DNAH14: variants seen among roughly 807,000 people sequenced by gnomAD.
The protein encoded by DNAH14 is dynein axonemal heavy chain 14.
In DNAH14, 478 loss-of-function variants were observed where a neutral mutation model predicts 520.9. The ratio of observed to expected loss-of-function variants is 0.92; its 90% CI spans 0.85 to 0.99. The LOEUF (loss-of-function observed/expected upper bound fraction) is 0.99, where lower values mean the gene tolerates loss of function less well. Ranked by LOEUF, DNAH14 falls within the 50% of genes least tolerant of loss-of-function variation. DNAH14 has a pLI of 0.00. For synonymous variants in DNAH14, 1,581 were observed against 1,757.2 expected (o/e 0.90, Z 2.51); for missense variants, 4,831 against 5,234.5 (o/e 0.92, Z 2.38).
intron 72 of DNAH14, 108 bp from the exon 73 acceptor site, chr1:225,353,695 A>G (rs2095397726): frequency 3.1e-6 from 2 of 648,314 alleles, no homozygotes; most frequent in South Asian, 1.8e-5. Context: ...CATGTTTAGA[A>G]AAAAAAAAAA....
Position 225,140,987 on chromosome 1 carries a change from A to G in DNAH14, c.4474A>G (p.Asn1492Asp), listed in dbSNP as rs1412323166. ...RDIVINLLLKNIFNAEDFEWT... is the reference protein window; with the variant it reads ...RDIVINLLLKDIFNAEDFEWT... ...TATAGTGATAAATTTACTACTTAAA[A>G]ATATCTTCAATGCAGAGGATTTTGA... Residue 1492 changes from asparagine to aspartate, a missense_variant, in exon 28 of 86, where the codon AAT (asparagine) becomes GAT (aspartate). Physicochemically the swap from Asn to Asp is conservative, Grantham distance 23. Coordinates refer to ENST00000682510, the MANE Select transcript of DNAH14 (RefSeq NM_001367479.1). 6.4e-7 allele frequency: 1 copy of G among 1,550,678 alleles called. No individual in the cohort carries two copies. The highest frequency in any genetic ancestry group is 8.7e-7 in the Non-Finnish European group (1 of 1,146,456).
intron 21 of DNAH14, among the ~76,000 whole-genome samples, chr1:225,086,987 A>G (rs1378179490): frequency 9.3e-6 from 1 of 107,876 alleles, no homozygotes; most frequent in Non-Finnish European, 1.9e-5. Context: ...GCTGAAAAGA[A>G]CACCACACAC....
chr1:225,333,078 T>C (rs1002413167), intron 65 of DNAH14, among the ~76,000 whole-genome samples: 1 of 152,194 alleles, frequency 6.6e-6, no homozygotes, highest in African/African-American at 2.4e-5. Context: ...TTAGCAAAGA[T>C]GACACTATTA....
chr1:225,313,640 G>A (rs1170230388), intron 60 of DNAH14, among the ~76,000 whole-genome samples: 1 of 152,136 alleles, frequency 6.6e-6, no homozygotes, highest in Non-Finnish European at 1.5e-5. Flanking sequence ...GGTACGTTGT[G>A]TCTTTGTTCT....
rs910355963 is a variant in DNAH14, at chr1:225,130,718, C to G, written c.4254+7104C>G. Among the ~76,000 whole-genome samples the G allele has an allele frequency of 5.6e-5, 8 of 143,180 alleles. No individual in the cohort carries two copies. The East Asian group carries it at 1.7e-3, about 30-fold the overall frequency. 93.9% of individuals were successfully genotyped at this position (143,180 alleles called of 152,430 possible). ...ATAGCATTAGGAGATATACCTAATG[C>G]TAAATGACGAGTTAATGGGTGCAGC... On this transcript the variant is annotated intron_variant, in intron 27 of 85. Transcript: ENST00000682510.
chr1:224,951,736 C>T (rs929820347), intron 1 of DNAH14, among the ~76,000 whole-genome samples: 10 of 150,764 alleles, frequency 6.6e-5, no homozygotes, highest in South Asian at 2.1e-4. Context: ...CTGCAAGCTC[C>T]GCCTCCCAGG....
chr1:225,209,645 T>C (rs1232886687), intron 41 of DNAH14, among the ~76,000 whole-genome samples: 1 of 152,176 alleles, frequency 6.6e-6, no homozygotes, highest in Non-Finnish European at 1.5e-5. Flanking sequence ...CAAGATTTGT[T>C]AATATCAATA....
At chr1:225,217,802 C>T (rs561365306) in intron 41 of DNAH14, among the ~76,000 whole-genome samples, 30 of 152,272 alleles carry the variant, frequency 2.0e-4, no homozygotes, top group African/African-American at 5.8e-4. Flanking sequence ...CCGTCTGTCA[C>T]GGCTTCCCTT....
chr1:225,205,987 G>T lies in DNAH14; in HGVS notation c.5994G>T (p.Trp1998Cys). Reference sequence around the variant, plus strand: ...TCTCTCCAGATTTTGATTGGCAGTGGATTATCCTAGATGGCCCAGTGGACA... The same window carrying T: ...TCTCTCCAGATTTTGATTGGCAGTGTATTATCCTAGATGGCCCAGTGGACA... ...IPENHNFDWQ[W>C]IILDGPVDTF... The change falls in exon 40 of 86, where the codon TGG becomes TGT. Residue 1998 changes from tryptophan to cysteine, a missense_variant. By Grantham distance (215) the Trp-to-Cys change is radical. Transcript: ENST00000682510. 1 of 1,551,164 alleles carries T rather than the reference G, an allele frequency of 6.4e-7. No individual in the cohort carries two copies. Among genetic ancestry groups the T allele is most frequent in the Non-Finnish European group, 8.7e-7 (1 of 1,146,648 alleles).
intron 41 of DNAH14, among the ~76,000 whole-genome samples, chr1:225,229,093 T>A: frequency 6.6e-6 from 1 of 152,192 alleles, no homozygotes; most frequent in East Asian, 1.9e-4. Context: ...TGTCATTAAA[T>A]CTGTACTAAA....
At chr1:225,267,963 A>T (rs2093179164) in intron 49 of DNAH14, among the ~76,000 whole-genome samples, 2 of 152,036 alleles carry the variant, frequency 1.3e-5, no homozygotes, top group Admixed American at 6.6e-5. Context: ...AGCCTGGACA[A>T]TTCCCTGAAC....
chr1:225,356,641 C>T (rs994792872), intron 73 of DNAH14, among the ~76,000 whole-genome samples: 4 of 152,022 alleles, frequency 2.6e-5, no homozygotes, highest in African/African-American at 4.8e-5. Context: ...AAGGGAGGGA[C>T]GTGGAGATAT....
At chr1:225,019,943 G>A (rs1422955076) in intron 10 of DNAH14, among the ~76,000 whole-genome samples, 1 of 151,928 alleles carries the variant, frequency 6.6e-6, no homozygotes, top group Non-Finnish European at 1.5e-5. Flanking sequence ...ATTGCACCTA[G>A]AGGAACCAGA....
chr1:225,273,198 C>T (rs564086782), intron 52 of DNAH14, 73 bp downstream of exon 52: 33 of 1,426,374 alleles, frequency 2.3e-5, no homozygotes, highest in Middle Eastern at 4.0e-4. Flanking sequence ...TTTGGGAGGC[C>T]GAAGCGGGCA....
intron 74 of DNAH14, 134 bp downstream of exon 74, chr1:225,358,786 G>C: frequency 1.1e-6 from 1 of 887,850 alleles, no homozygotes; most frequent in Middle Eastern, 3.3e-4. Context: ...ATTGGATCAT[G>C]GGGATGGTTC....
At position 225,085,790 on chromosome 1, in the gene DNAH14, G is replaced by A; in HGVS notation, c.3573+1G>A. The stretch of plus-strand genomic sequence containing the variant: ...ATCTCCCCACATTGGGCCCATTAAG[G>A]TAAGTATTATGGCAAAGGAAAAATG... On this transcript the variant is annotated splice_donor_variant, in intron 21 of 85. Coordinates refer to ENST00000682510, the MANE Select transcript of DNAH14 (RefSeq NM_001367479.1). LOFTEE classifies it high-confidence loss of function. 1 of 1,534,076 alleles carries A rather than the reference G, an allele frequency of 6.5e-7. No individual in the cohort carries two copies. The highest frequency in any genetic ancestry group is 1.4e-5 in the African/African-American group (1 of 72,108).
chr1:225,010,019 T>C (rs2064571802), intron 10 of DNAH14, among the ~76,000 whole-genome samples: 1 of 152,208 alleles, frequency 6.6e-6, no homozygotes, highest in South Asian at 2.1e-4. Flanking sequence ...GTTTTCTAAA[T>C]ATACGATCAT....
intron 28 of DNAH14, among the ~76,000 whole-genome samples, chr1:225,143,558 A>G (rs1439503106): frequency 6.6e-6 from 1 of 152,188 alleles, no homozygotes; most frequent in Admixed American, 6.5e-5. Flanking sequence ...GAATGAGTGA[A>G]TAAAGGCAAA....
At chr1:225,153,260 C>A (rs1225846198) in intron 33 of DNAH14, among the ~76,000 whole-genome samples, 1 of 152,070 alleles carries the variant, frequency 6.6e-6, no homozygotes, top group African/African-American at 2.4e-5. Flanking sequence ...AAGTGCTGGG[C>A]CTTACTCCTG....
Sources: gnomAD v4.1 joint callset for allele counts (sites outside exome capture counted in the v4.1 genomes callset) on GRCh38, gnomAD v4.1.1 for gene constraint, MANE v1.5 for transcripts, NCBI Gene and HGNC (gene_info 2026-07-23, HGNC 2026-07-21) for gene names.